SLAMF6: variants seen among roughly 807,000 people sequenced by gnomAD.
The protein encoded by SLAMF6 is NK-T-B-antigen.
In SLAMF6, 21 loss-of-function variants were observed where a neutral mutation model predicts 38.3. That is an observed-to-expected ratio of 0.55 (90% confidence interval 0.39 to 0.79). The LOEUF (loss-of-function observed/expected upper bound fraction) is 0.79, where lower values mean the gene tolerates loss of function less well. Ranked by LOEUF, SLAMF6 falls within the 30% of genes least tolerant of loss-of-function variation. The probability of loss-of-function intolerance (pLI) is 0.00; values close to 1 mark genes in which losing one functional copy is unlikely to be tolerated. For synonymous variants in SLAMF6, 152 were observed against 146.3 expected, an observed-to-expected ratio of 1.04 and a Z score of -0.28; for missense variants, 341 against 385.3, an observed-to-expected ratio of 0.89 and a Z score of 0.96.
chr1:160,494,687 T>C (rs1653479861), intron 2 of SLAMF6, among the ~76,000 whole-genome samples: 1 of 152,048 alleles, frequency 6.6e-6, no homozygotes, highest in South Asian at 2.1e-4. Flanking sequence ...AACCTGACTA[T>C]GGAGGTAGAG....
chr1:160,510,401 T>A (rs1227454960), intron 1 of SLAMF6, among the ~76,000 whole-genome samples: 2 of 152,076 alleles, frequency 1.3e-5, no homozygotes, highest in Non-Finnish European at 2.9e-5. Flanking sequence ...CATGACCAAG[T>A]AGAATTTATC....
At chr1:160,505,832 A>G (rs1259310294) in intron 1 of SLAMF6, among the ~76,000 whole-genome samples, 1 of 152,220 alleles carries the variant, frequency 6.6e-6, no homozygotes, top group African/African-American at 2.4e-5. Context: ...GGAGCCAAGT[A>G]GAGATTCTGG....
chr1:160,497,169 A>G (rs1653631176), intron 1 of SLAMF6, among the ~76,000 whole-genome samples: 1 of 152,212 alleles, frequency 6.6e-6, no homozygotes, highest in Non-Finnish European at 1.5e-5. Context: ...GGATACATAT[A>G]GAAATAATAA....
chr1:160,491,497 T>C, intron 2 of SLAMF6, 109 bp from the exon 3 acceptor site: 1 of 1,471,810 alleles, frequency 6.8e-7, no homozygotes, highest in Non-Finnish European at 9.1e-7. Flanking sequence ...TTGCTGTGTG[T>C]TATGGTCTGT....
chr1:160,485,471 T>C lies in SLAMF6; in HGVS notation c.*1236A>G, dbSNP rs889565143. 6.6e-6 allele frequency: 1 copy of C among 152,178 alleles called. No homozygotes were observed. Among genetic ancestry groups the C allele is most frequent in the African/African-American group, 2.4e-5 (1 of 41,418 alleles). The allele number at this position is 152,178 out of a possible 1,614,324, so 9.4% of individuals were successfully genotyped here. A position where few individuals can be genotyped will look rare whatever the true frequency, so the allele number is the denominator to read the frequency against. ...GGCAGAGGAAGGGCCTGCAGGAAGA[T>C]GTAAATAATTAACATAAAGAACTTT... On this transcript the variant is annotated 3_prime_UTR_variant, in exon 8 of 8. Transcript: ENST00000368057.
chr1:160,488,995 G>C (rs531330233), intron 6 of SLAMF6, 93 bp downstream of exon 6: 2 of 1,175,920 alleles, frequency 1.7e-6, no homozygotes, highest in Non-Finnish European at 2.5e-6. Context: ...TCCCCTCAGT[G>C]GTCATTTGTT....
At chr1:160,516,358 A>C (rs1654742879) in intron 1 of SLAMF6, among the ~76,000 whole-genome samples, 1 of 152,222 alleles carries the variant, frequency 6.6e-6, no homozygotes, top group Non-Finnish European at 1.5e-5. Flanking sequence ...CAGAGAGGAC[A>C]CAAACAAATG....
intron 1 of SLAMF6, among the ~76,000 whole-genome samples, chr1:160,522,138 T>G (rs1029663293): frequency 6.6e-6 from 1 of 152,248 alleles, no homozygotes. Context: ...CTTATGCTGC[T>G]GCCACACTTG....
At chr1:160,497,606 T>C (rs614136) in intron 1 of SLAMF6, among the ~76,000 whole-genome samples, 106,920 of 152,016 alleles carry the variant, frequency 0.7, 37,686 homozygotes, top group South Asian at 0.78. Flanking sequence ...AACTAATAGG[T>C]AGTTATTCAA....
At chr1:160,492,649 G>A (rs1653365266) in intron 2 of SLAMF6, among the ~76,000 whole-genome samples, 2 of 152,092 alleles carry the variant, frequency 1.3e-5, no homozygotes, top group Non-Finnish European at 2.9e-5. Context: ...ATTTCCACAG[G>A]TATATAAGTG....
At position 160,486,581 on chromosome 1, in the gene SLAMF6, C is replaced by T. The variant is rs1309778217; in HGVS notation, c.*126G>A. 4.2e-6 allele frequency: 4 copies of T among 951,914 alleles called. No homozygotes were observed. Among genetic ancestry groups the T allele is most frequent in the South Asian group, 1.5e-5 (1 of 68,440 alleles). 59.0% of individuals were successfully genotyped at this position (951,914 alleles called of 1,614,324 possible). On this transcript the variant is annotated 3_prime_UTR_variant, in exon 8 of 8. Coordinates refer to ENST00000368057, the MANE Select transcript of SLAMF6 (RefSeq NM_001184714.2). ...TTAAGTCCGAAGGACTGGAGGTGAT[C>T]ATCCTATCCTAGATATTCAAATTCT...
At chr1:160,507,772 T>C (rs917229667) in intron 1 of SLAMF6, among the ~76,000 whole-genome samples, 8 of 152,070 alleles carry the variant, frequency 5.3e-5, no homozygotes, top group Non-Finnish European at 1.2e-4. Flanking sequence ...ATAATTAACA[T>C]AGTGTAAAAT....
intron 1 of SLAMF6, among the ~76,000 whole-genome samples, chr1:160,504,000 A>C (rs1192888920): frequency 7.4e-6 from 1 of 134,470 alleles, no homozygotes; most frequent in Non-Finnish European, 1.6e-5. Context: ...CCTGGGTGAC[A>C]GAGTGAGACT....
Position 160,514,740 on chromosome 1 carries a change from T to C in SLAMF6, c.49+8404A>G, listed in dbSNP as rs118140851. ...ATAGCTACATAGAAATTGAACAACC[T>C]GCTCCTGCATGACTCCTGGTTAAAT... On this transcript the variant is annotated intron_variant, in intron 1 of 7. Coordinates refer to ENST00000368057, the MANE Select transcript of SLAMF6 (RefSeq NM_001184714.2). Among the ~76,000 whole-genome samples the C allele has an allele frequency of 9.7e-4, 147 of 152,300 alleles. 3 individuals carry two copies. The East Asian group carries it at 0.027, about 28-fold the overall frequency.
Position 160,486,102 on chromosome 1 carries a change from A to G in SLAMF6, c.*605T>C, listed in dbSNP as rs536433079. The G allele has an allele frequency of 8.5e-5, 13 of 152,556 alleles. No homozygotes were observed. Among genetic ancestry groups the G allele is most frequent in the Admixed American group, 8.5e-4 (13 of 15,302 alleles). The allele number at this position is 152,556 out of a possible 1,614,324, so 9.5% of individuals were successfully genotyped here. A position where few individuals can be genotyped will look rare whatever the true frequency, so the allele number is the denominator to read the frequency against. On this transcript the variant is annotated 3_prime_UTR_variant, in exon 8 of 8. Transcript: ENST00000368057. ...CTGAGATTTTGAGCACTGCATCGACATCAATGAAACTCAAGGGAAATGCTT... is the reference window on the plus strand; with the variant it reads ...CTGAGATTTTGAGCACTGCATCGACGTCAATGAAACTCAAGGGAAATGCTT...
Position 160,495,750 on chromosome 1 carries a change from G to T in SLAMF6, c.382+311C>A, listed in dbSNP as rs143999105. On this transcript the variant is annotated intron_variant, in intron 2 of 7. Coordinates refer to ENST00000368057, the MANE Select transcript of SLAMF6 (RefSeq NM_001184714.2). ...CATGGAGTCTTTGTGAGAATTACAT[G>T]GCAAATACATGTAGTGCACAAGGCA... Among the ~76,000 whole-genome samples, 405 of 152,314 alleles carry T rather than the reference G, an allele frequency of 2.7e-3. 3 individuals carry two copies. The highest frequency in any genetic ancestry group is 3.3e-3 in the Non-Finnish European group (227 of 68,024).
chr1:160,504,509 A>G (rs1654079182), intron 1 of SLAMF6, among the ~76,000 whole-genome samples: 1 of 152,204 alleles, frequency 6.6e-6, no homozygotes, highest in Admixed American at 6.5e-5. Flanking sequence ...GTAGGAGACC[A>G]TGGTCACTGG....
chr1:160,495,588 C>T (rs1653531932), intron 2 of SLAMF6, among the ~76,000 whole-genome samples: 1 of 152,190 alleles, frequency 6.6e-6, no homozygotes, highest in Admixed American at 6.5e-5. Context: ...TCTACTGGGT[C>T]AGACTAGCCT....
chr1:160,486,533 G>A lies in SLAMF6; in HGVS notation c.*174C>T. The A allele has an allele frequency of 8.2e-6, 5 of 611,554 alleles. No individual in the cohort carries two copies. The highest frequency in any genetic ancestry group is 1.2e-5 in the Non-Finnish European group (4 of 347,054). The allele number at this position is 611,554 out of a possible 1,614,324, so 37.9% of individuals were successfully genotyped here. A position where few individuals can be genotyped will look rare whatever the true frequency, so the allele number is the denominator to read the frequency against. ...ATGCTGGAAATGATGTTATCCTTAG[G>A]TGTTTGACTCAGGTAGGCAGGTTTA... On this transcript the variant is annotated 3_prime_UTR_variant, in exon 8 of 8. Coordinates refer to ENST00000368057, the MANE Select transcript of SLAMF6 (RefSeq NM_001184714.2).
Sources: gnomAD v4.1 joint callset for allele counts (sites outside exome capture counted in the v4.1 genomes callset) on GRCh38, gnomAD v4.1.1 for gene constraint, MANE v1.5 for transcripts, NCBI Gene and HGNC (gene_info 2026-07-23, HGNC 2026-07-21) for gene names.